Variants in LANCL2 observed in about 807,000 individuals in gnomAD.
LANCL2 encodes lanC-like protein 2.
Under a neutral mutation model 56.9 loss-of-function variants are expected in LANCL2, and 33 were observed. The observed-to-expected ratio is 0.58, with a 90% confidence interval of 0.44 to 0.78. The LOEUF (loss-of-function observed/expected upper bound fraction) is 0.78, where lower values mean the gene tolerates loss of function less well. LANCL2 is among the 30% of genes least tolerant of loss of function. LANCL2 has a pLI of 0.00. For synonymous variants in LANCL2, 233 were observed against 228.2 expected (o/e 1.02, Z -0.19); for missense variants, 562 against 580.2 (o/e 0.97, Z 0.32).
chr7:55,381,191 G>A (rs1228925435), intron 1 of LANCL2, among the ~76,000 whole-genome samples: 4 of 152,054 alleles, frequency 2.6e-5, no homozygotes, highest in African/African-American at 9.7e-5. Flanking sequence ...ATTTCTGTAG[G>A]GTATGTTATA....
At chr7:55,367,685 A>G (rs1409279880) in intron 1 of LANCL2, among the ~76,000 whole-genome samples, 2 of 152,198 alleles carry the variant, frequency 1.3e-5, no homozygotes, top group African/African-American at 2.4e-5. Flanking sequence ...AGATTGCGCC[A>G]TTGCACTCCA....
intron 5 of LANCL2, among the ~76,000 whole-genome samples, chr7:55,411,100 C>T (rs537326482): frequency 3.4e-4 from 51 of 152,188 alleles, no homozygotes; most frequent in Non-Finnish European, 6.6e-4. Context: ...CCTAAGATGG[C>T]GTGTGGGCTG....
At chr7:55,425,523 C>T (rs1790655381) in intron 7 of LANCL2, 93 bp downstream of exon 7, 3 of 1,169,292 alleles carry the variant, frequency 2.6e-6, no homozygotes, top group Non-Finnish European at 3.7e-6. Flanking sequence ...CTTCTTTTAA[C>T]CTGTTTCTCC....
Position 55,401,197 on chromosome 7 carries a change from G to C in LANCL2, c.702G>C (p.Ser234=). Reference sequence around the variant, plus strand: ...AGGTAGTCAATGCTATTATTGAATCGGGTAAGACTTTGTCAAGGGAAGAAA... The same window carrying C: ...AGGTAGTCAATGCTATTATTGAATCCGGTAAGACTTTGTCAAGGGAAGAAA... ...IKEVVNAIIE[S]GKTLSREERK... The change falls in exon 5 of 9, where the codon TCG becomes TCC. Residue 234 remains serine, a synonymous_variant. Coordinates refer to ENST00000254770, the MANE Select transcript of LANCL2 (RefSeq NM_018697.4). 1 of 1,613,982 alleles carries C rather than the reference G, an allele frequency of 6.2e-7. No homozygotes were observed. Among genetic ancestry groups the C allele is most frequent in the Non-Finnish European group, 8.5e-7 (1 of 1,179,948 alleles).
intron 2 of LANCL2, among the ~76,000 whole-genome samples, chr7:55,393,255 G>C (rs1392062534): frequency 2.0e-5 from 3 of 152,178 alleles, no homozygotes; most frequent in Non-Finnish European, 4.4e-5. Context: ...GCATAGGCCA[G>C]GTGCGGTGGC....
chr7:55,403,920 T>G (rs1790374667), intron 5 of LANCL2, among the ~76,000 whole-genome samples: 1 of 152,086 alleles, frequency 6.6e-6, no homozygotes, highest in African/African-American at 2.4e-5. Context: ...CAGTAGGAAC[T>G]CTTAATGGGG....
intron 5 of LANCL2, among the ~76,000 whole-genome samples, chr7:55,402,725 G>A (rs13229346): frequency 1.6e-5 from 2 of 126,438 alleles, no homozygotes. Context: ...TCCCAGACGG[G>A]GTGGCTGCCG....
chr7:55,415,094 G>A (rs186503497), intron 6 of LANCL2, among the ~76,000 whole-genome samples: 2 of 151,834 alleles, frequency 1.3e-5, no homozygotes, highest in East Asian at 3.9e-4. Context: ...AATTACATCT[G>A]ACAAAAAATC....
At chr7:55,417,411 G>A (rs140604831) in intron 6 of LANCL2, among the ~76,000 whole-genome samples, 1 of 152,092 alleles carries the variant, frequency 6.6e-6, no homozygotes, top group African/African-American at 2.4e-5. Context: ...GCCTGGGTCT[G>A]TTTCTGGACT....
At chr7:55,367,952 G>GT (rs1264092185) in intron 1 of LANCL2, among the ~76,000 whole-genome samples, 1 of 152,108 alleles carries the variant, frequency 6.6e-6, no homozygotes, top group South Asian at 2.1e-4. Context: ...ACAAATATGT[G>GT]TTTCATTTGT....
chr7:55,377,038 C>G (rs186629368), intron 1 of LANCL2, among the ~76,000 whole-genome samples: 5 of 152,250 alleles, frequency 3.3e-5, no homozygotes, highest in South Asian at 4.1e-4. Flanking sequence ...GTTTGCTACG[C>G]TTCATGCCAA....
At chr7:55,394,296 G>A (rs1006022314) in intron 2 of LANCL2, among the ~76,000 whole-genome samples, 1 of 152,158 alleles carries the variant, frequency 6.6e-6, no homozygotes, top group Non-Finnish European at 1.5e-5. Flanking sequence ...AGAAGGCTGG[G>A]CACAGTGGCT....
At chr7:55,376,325 A>T (rs1051531877) in intron 1 of LANCL2, among the ~76,000 whole-genome samples, 1 of 152,168 alleles carries the variant, frequency 6.6e-6, no homozygotes, top group Non-Finnish European at 1.5e-5. Context: ...ACAGTCTTAG[A>T]CAGAGTCAGT....
intron 5 of LANCL2, among the ~76,000 whole-genome samples, chr7:55,409,717 A>G (rs1013764059): frequency 4.6e-5 from 7 of 152,240 alleles, no homozygotes; most frequent in Non-Finnish European, 8.8e-5. Context: ...CTCCAGGGAA[A>G]GCAAAGTCAT....
rs956207740 is a variant in LANCL2, at chr7:55,365,393, G to C, written c.-633G>C. 1 of 152,166 alleles carries C rather than the reference G, an allele frequency of 6.6e-6. No individual in the cohort carries two copies. Among genetic ancestry groups the C allele is most frequent in the Non-Finnish European group, 1.5e-5 (1 of 68,028 alleles). The allele number at this position is 152,166 out of a possible 1,614,324, so 9.4% of individuals were successfully genotyped here. On this transcript the variant is annotated 5_prime_UTR_variant, in exon 1 of 9. Transcript: ENST00000254770. ...GACTGTTTTGAAATTCTGTTCTTTA[G>C]AAGAGATTTTTTTTTTCTTCTTAAT...
intron 7 of LANCL2, among the ~76,000 whole-genome samples, chr7:55,426,074 C>T (rs947289626): frequency 3.3e-5 from 5 of 152,226 alleles, no homozygotes; most frequent in Non-Finnish European, 5.9e-5. Context: ...CTTCCTTCAG[C>T]TCCTTGCCAT....
intron 1 of LANCL2, among the ~76,000 whole-genome samples, chr7:55,381,481 T>C (rs1583745077): frequency 6.6e-6 from 1 of 152,216 alleles, no homozygotes; most frequent in African/African-American, 2.4e-5. Context: ...AGACGAAAGA[T>C]AGAAATTGAG....
At chr7:55,394,446 A>G (rs546636265) in intron 2 of LANCL2, among the ~76,000 whole-genome samples, 11 of 152,274 alleles carry the variant, frequency 7.2e-5, no homozygotes, top group African/African-American at 2.6e-4. Context: ...TGTAGTGCCA[A>G]CTACTCAGGA....
At chr7:55,405,761 TC>T (rs1487852186) in intron 5 of LANCL2, among the ~76,000 whole-genome samples, 2 of 152,246 alleles carry the variant, frequency 1.3e-5, no homozygotes, top group Non-Finnish European at 2.9e-5. Context: ...ATTATGGACT[TC>T]CTTGGGAGGA....
Sources: allele counts gnomAD v4.1 joint callset (sites outside exome capture counted in the v4.1 genomes callset), GRCh38; gene constraint gnomAD v4.1.1; transcripts MANE v1.5; gene names NCBI Gene and HGNC (gene_info 2026-07-23, HGNC 2026-07-21).